TNRC18: variants seen among roughly 807,000 people sequenced by gnomAD.
TNRC18 encodes trinucleotide repeat containing 18.
In TNRC18, 69 loss-of-function variants were observed where a neutral mutation model predicts 226.7. That is an observed-to-expected ratio of 0.30 (90% CI 0.25 to 0.37). The LOEUF (loss-of-function observed/expected upper bound fraction) is 0.37. TNRC18 is among the 10% of genes least tolerant of loss of function. TNRC18 has a pLI of 1.00. For missense variants in TNRC18, 4,754 were observed against 4,256.6 expected, an observed-to-expected ratio of 1.12 and a Z score of -3.25; for synonymous variants, 2,449 against 1,927.6, an observed-to-expected ratio of 1.27 and a Z score of -7.09.
chr7:5,370,487 C>G lies in TNRC18; in HGVS notation c.4107G>C (p.Glu1369Asp). 2 of 1,589,934 alleles carry G rather than the reference C, an allele frequency of 1.3e-6. No homozygotes were observed. The highest frequency in any genetic ancestry group is 1.7e-6 in the Non-Finnish European group (2 of 1,168,230). Reference protein sequence around the residue: ...SPGAAGAQALEKLEAAESLVL... With the variant: ...SPGAAGAQALDKLEAAESLVL... ...CAAGGCTCTCGGCTGCTTCCAGCTTCTCCAAGGCCTGGGCTCCAGCAGCAC... is the reference window on the plus strand; with the variant it reads ...CAAGGCTCTCGGCTGCTTCCAGCTTGTCCAAGGCCTGGGCTCCAGCAGCAC... The change falls in exon 11 of 30, where the codon GAG becomes GAC. Residue 1369 changes from glutamate to aspartate, a missense_variant. Physicochemically the swap from Glu to Asp is conservative, Grantham distance 45. Transcript: ENST00000430969.
intron 14 of TNRC18, 34 bp downstream of exon 14, chr7:5,361,560 G>A: frequency 6.8e-7 from 1 of 1,464,156 alleles, no homozygotes; most frequent in Non-Finnish European, 9.0e-7. Context: ...CAAGCTGTGT[G>A]CCAGTCCCCG....
rs1584051289 is a variant in TNRC18 at position 5,394,324 on chromosome 7, A to C, written c.343+116T>G. ...TGAGAAACAACAGGGAAGCCAGGTG[A>C]CCTGGGACCCACCAGCCCCAGCTCA... is the stretch of plus-strand genomic sequence containing the variant. On this transcript the variant is annotated intron_variant, in intron 3 of 29. Transcript: ENST00000430969. The surrounding 1 kb of genome is among the most constrained non-coding windows in gnomAD (Gnocchi z 4.5). 1.0e-6 allele frequency: 1 copy of C among 992,748 alleles called. No individual in the cohort carries two copies. The highest frequency in any genetic ancestry group is 1.4e-6 in the Non-Finnish European group (1 of 706,462). The allele number at this position is 992,748 out of a possible 1,614,324, so 61.5% of individuals were successfully genotyped here. A position where few individuals can be genotyped will look rare whatever the true frequency, so the allele number is the denominator to read the frequency against.
rs778257943 is a variant in TNRC18, at chr7:5,321,090, G to A, written c.6543C>T (p.Thr2181=). The change falls in exon 22 of 30, where the codon ACC becomes ACT. Residue 2181 remains threonine (T), a synonymous_variant. Coordinates refer to ENST00000430969, the MANE Select transcript of TNRC18 (RefSeq NM_001080495.3). ...DKLLYAGHVQ[T]VHSPDIYRVV... ...CCACTCACATGTCTGGCGAGTGCAC[G>A]GTCTGCACGTGCCCGGCGTACAGCA... is the stretch of plus-strand genomic sequence containing the variant. The A allele has an allele frequency of 2.6e-5, 40 of 1,550,208 alleles. No individual in the cohort carries two copies. The highest frequency in any genetic ancestry group is 4.9e-5 in the East Asian group (2 of 40,988).
rs28578466 is a variant in TNRC18 at position 5,391,854 on chromosome 7, T to A, written c.344-1226A>T. Among the ~76,000 whole-genome samples, 7 of 102,482 alleles carry A rather than the reference T, an allele frequency of 6.8e-5. No homozygotes were observed. The South Asian group carries it at 1.9e-3, about 28-fold the overall frequency. 67.2% of individuals were successfully genotyped at this position (102,482 alleles called of 152,430 possible). On this transcript the variant is annotated intron_variant, in intron 3 of 29. Coordinates refer to ENST00000430969, the MANE Select transcript of TNRC18 (RefSeq NM_001080495.3). ...TCTATTTAAAAAAAAAAAAAAAAAA[T>A]TTAAATAGTTTTTTTTTTTTAAAGG...
chr7:5,363,312 A>T (rs932359887), intron 11 of TNRC18, among the ~76,000 whole-genome samples: 10 of 144,858 alleles, frequency 6.9e-5, no homozygotes, highest in African/African-American at 2.3e-4. Flanking sequence ...CAAAAAAAAT[A>T]AATAAATAGG....
At chr7:5,370,133 G>A (rs559487217) in intron 11 of TNRC18, among the ~76,000 whole-genome samples, 84 of 152,098 alleles carry the variant, frequency 5.5e-4, no homozygotes, top group African/African-American at 2.0e-3. Flanking sequence ...CTGGGCAACA[G>A]AGCAAGACCC....
At position 5,362,821 on chromosome 7, in the gene TNRC18, C is replaced by T. The variant is rs753010600; in HGVS notation, c.4224G>A (p.Ala1408=). 25 of 1,540,516 alleles carry T rather than the reference C, an allele frequency of 1.6e-5. 1 individual carries two copies. The highest frequency in any genetic ancestry group is 2.4e-5 in the South Asian group (2 of 82,174). The change falls in exon 12 of 30, where the codon GCG becomes GCA. Residue 1408 remains alanine (A), a synonymous_variant. Coordinates refer to ENST00000430969, the MANE Select transcript of TNRC18 (RefSeq NM_001080495.3). ...AGGGCCGCGCCACCAGGGCCCGCTCCGCACCTGTGGACAGGAGGTAGGTAA... is the reference window on the plus strand; with the variant it reads ...AGGGCCGCGCCACCAGGGCCCGCTCTGCACCTGTGGACAGGAGGTAGGTAA... ...LERRSQEMGG[A]ERALVARPSL...
rs1159206860 is a variant in TNRC18, at chr7:5,324,787, A to G, written c.6300+309T>C. On this transcript the variant is annotated intron_variant, in intron 20 of 29. Coordinates refer to ENST00000430969, the MANE Select transcript of TNRC18 (RefSeq NM_001080495.3). This position sits in a 1 kb window ranked among gnomAD's most constrained non-coding sequence, Gnocchi z 4.8. ...CATCATCTGCCACTCGGGCAGATTC[A>G]CCCAAGCCTGAGGGCCCTGTGAGGA... 6.6e-6 allele frequency among the ~76,000 whole-genome samples: 1 copy of G among 152,104 alleles called. No homozygotes were observed. Among genetic ancestry groups the G allele is most frequent in the African/African-American group, 2.4e-5 (1 of 41,420 alleles).
chr7:5,346,306 T>A (rs1791192119), intron 17 of TNRC18, among the ~76,000 whole-genome samples: 1 of 152,120 alleles, frequency 6.6e-6, no homozygotes, highest in South Asian at 2.1e-4. Flanking sequence ...TCCTGAGGGC[T>A]GGCGGCAGGA....
chr7:5,378,432 T>A (rs574968960), intron 5 of TNRC18, among the ~76,000 whole-genome samples: 27 of 151,744 alleles, frequency 1.8e-4, no homozygotes, highest in African/African-American at 5.8e-4. Flanking sequence ...TTATTTTTTT[T>A]TTTTGAGATG....
intron 3 of TNRC18, among the ~76,000 whole-genome samples, chr7:5,391,244 C>T (rs1023745989): frequency 1.3e-5 from 2 of 152,082 alleles, no homozygotes. Flanking sequence ...TCCTCCCCGC[C>T]TCCCCAAAGG....
chr7:5,410,005 A>AT (rs943391769), intron 2 of TNRC18, among the ~76,000 whole-genome samples: 1 of 148,242 alleles, frequency 6.7e-6, no homozygotes, highest in East Asian at 2.0e-4. Flanking sequence ...AAAAAAAAAA[A>AT]TTTTTTTTTA....
chr7:5,329,923 T>G (rs1353092419), intron 19 of TNRC18: 1 of 471,050 alleles, frequency 2.1e-6, no homozygotes, highest in Non-Finnish European at 4.4e-6. Flanking sequence ...CCAGCTATAA[T>G]ACCAGAGGCT....
chr7:5,412,316 C>CACCA (rs1479030891), intron 2 of TNRC18, among the ~76,000 whole-genome samples: 2 of 151,498 alleles, frequency 1.3e-5, no homozygotes, highest in African/African-American at 4.8e-5. Flanking sequence ...TGGCTTACGC[C>CACCA]TGTAATCCCA....
Position 5,351,054 on chromosome 7 carries a change from A to C in TNRC18, c.5470+765T>G, listed in dbSNP as rs576393366. Reference sequence around the variant, plus strand: ...AAAGACAAAACAAGCAACTAAAAAAACATGATGATGCTGGAGGTGAAGGCG... The same window carrying C: ...AAAGACAAAACAAGCAACTAAAAAACCATGATGATGCTGGAGGTGAAGGCG... On this transcript the variant is annotated intron_variant, in intron 17 of 29. Coordinates refer to ENST00000430969, the MANE Select transcript of TNRC18 (RefSeq NM_001080495.3). 1.6e-3 allele frequency among the ~76,000 whole-genome samples: 251 copies of C among 152,332 alleles called. 4 individuals carry two copies. Among genetic ancestry groups the C allele is most frequent in the Non-Finnish European group, 3.0e-3 (207 of 68,036 alleles).
chr7:5,403,832 A>T (rs944202488), intron 2 of TNRC18, among the ~76,000 whole-genome samples: 4 of 151,908 alleles, frequency 2.6e-5, no homozygotes, highest in African/African-American at 9.7e-5. Context: ...ATGTCAACAG[A>T]CTATCAGAGC....
In TNRC18 at chr7:5,312,440, G is replaced by A; in HGVS notation, c.8388+63C>T. ...CACGGAGACACAGCATGAAGCCGTGGGCCCAGCAGAGAGACACAAGGCCCC... is the reference window on the plus strand; with the variant it reads ...CACGGAGACACAGCATGAAGCCGTGAGCCCAGCAGAGAGACACAAGGCCCC... On this transcript the variant is annotated intron_variant, in intron 27 of 29. Transcript: ENST00000430969. The surrounding 1 kb of genome is among the most constrained non-coding windows in gnomAD (Gnocchi z 6.3). The A allele has an allele frequency of 1.3e-6, 2 of 1,574,150 alleles. No homozygotes were observed.
chr7:5,370,259 G>A (rs1794019189), intron 11 of TNRC18, 116 bp downstream of exon 11: 2 of 1,237,396 alleles, frequency 1.6e-6, no homozygotes, highest in African/African-American at 1.5e-5. Flanking sequence ...GGAGTTTGAG[G>A]CTGCAGTGAG....
chr7:5,354,151 C>T (rs879318640), intron 16 of TNRC18, among the ~76,000 whole-genome samples: 12 of 151,902 alleles, frequency 7.9e-5, no homozygotes, highest in Admixed American at 4.6e-4. Flanking sequence ...CGCAGTGAGC[C>T]GAGATCATGC....
Sources: allele counts gnomAD v4.1 joint callset (sites outside exome capture counted in the v4.1 genomes callset), GRCh38; gene constraint gnomAD v4.1.1; non-coding constraint Gnocchi (gnomAD v3.1); transcripts MANE v1.5; gene names NCBI Gene and HGNC (gene_info 2026-07-23, HGNC 2026-07-21).